The following HMGCLL1 variants were observed in gnomAD, a reference collection of about 807,000 sequenced individuals.
The protein encoded by HMGCLL1 is 3-hydroxymethyl-3-methylglutaryl-CoA lyase, cytoplasmic.
HMGCLL1 carries 36 observed loss-of-function variants against 39.1 expected under a neutral mutation model. The ratio of observed to expected loss-of-function variants is 0.92; its 90% CI spans 0.71 to 1.22. The LOEUF (loss-of-function observed/expected upper bound fraction) is 1.22. Among genes scored for constraint, HMGCLL1 ranks in the 50% most tolerant of loss-of-function variants. The pLI is 0.00. For synonymous variants in HMGCLL1, 149 were observed against 144.0 expected, an observed-to-expected ratio of 1.03 and a Z score of -0.25; for missense variants, 451 against 416.5, an observed-to-expected ratio of 1.08 and a Z score of -0.72.
At chr6:55,631,383 C>T in the HMGCLL1 span, among the ~76,000 whole-genome samples, 1 of 152,062 alleles carries the variant, frequency 6.6e-6, no homozygotes, top group South Asian at 2.1e-4. Flanking sequence ...TCTGTTCAGC[C>T]ATCTTCTATA....
intron 1 of HMGCLL1, among the ~76,000 whole-genome samples, chr6:55,556,779 T>C (rs1046181942): frequency 6.6e-6 from 1 of 152,088 alleles, no homozygotes; most frequent in Non-Finnish European, 1.5e-5. Flanking sequence ...ATCTTTTGGG[T>C]ACGAGGGCCA....
chr6:55,587,079 C>T, the HMGCLL1 span, among the ~76,000 whole-genome samples: 3 of 151,918 alleles, frequency 2.0e-5, no homozygotes, highest in Non-Finnish European at 2.9e-5. Context: ...CTTTAAGGAT[C>T]GCCATTCTAA....
chr6:55,477,407 AAATATATATTATCTT>A lies in HMGCLL1; in HGVS notation c.795+17997_795+18011del, dbSNP rs1159360506. 7.6e-5 allele frequency among the ~76,000 whole-genome samples: 2 copies of A among 26,160 alleles called. 1 individual carries two copies. The highest frequency in any genetic ancestry group is 1.1e-4 in the Non-Finnish European group (2 of 18,392). The allele number at this position is 26,160 out of a possible 152,430, so 17.2% of individuals were successfully genotyped here. On this transcript the variant is annotated intron_variant, in intron 7 of 8. Transcript: ENST00000274901. ...TATCTAAATATAATATATATTATCT[AAATATATATTATCTT>A]AATATATATTATATATTATATATAT...
At chr6:55,543,438 TATATG>T (rs558653506) in intron 1 of HMGCLL1, among the ~76,000 whole-genome samples, 24 of 9,092 alleles carry the variant, frequency 2.6e-3, no homozygotes, top group African/African-American at 3.0e-3. Context: ...TCATATATCA[TATATG>T]ATATATATGA....
chr6:55,588,831 A>G, the HMGCLL1 span, among the ~76,000 whole-genome samples: 1 of 152,196 alleles, frequency 6.6e-6, no homozygotes, highest in African/African-American at 2.4e-5. Context: ...TCTTCAACAC[A>G]TACACCCTCC....
chr6:55,653,176 T>G, the HMGCLL1 span, among the ~76,000 whole-genome samples: 1 of 152,034 alleles, frequency 6.6e-6, no homozygotes, highest in Non-Finnish European at 1.5e-5. Context: ...CAAAAGTTCA[T>G]AGCATTCAGC....
At chr6:55,658,253 C>T in the HMGCLL1 span, among the ~76,000 whole-genome samples, 1 of 151,862 alleles carries the variant, frequency 6.6e-6, no homozygotes, top group African/African-American at 2.4e-5. Flanking sequence ...ACCTTGACAG[C>T]CCATTCTCAC....
At chr6:55,549,629 A>G (rs148939735) in intron 1 of HMGCLL1, among the ~76,000 whole-genome samples, 20 of 152,070 alleles carry the variant, frequency 1.3e-4, no homozygotes, top group East Asian at 9.6e-4. Flanking sequence ...TTCAAGTTCA[A>G]ACTCCTAAGA....
the HMGCLL1 span, among the ~76,000 whole-genome samples, chr6:55,604,761 A>G: frequency 6.6e-6 from 1 of 152,186 alleles, no homozygotes; most frequent in African/African-American, 2.4e-5. Flanking sequence ...GATACCAGCT[A>G]TGAAGATTTT....
At chr6:55,530,620 A>C (rs979475920) in intron 3 of HMGCLL1, among the ~76,000 whole-genome samples, 1 of 152,154 alleles carries the variant, frequency 6.6e-6, no homozygotes, top group East Asian at 1.9e-4. Flanking sequence ...TATCAAATGT[A>C]AAACAAGTGA....
chr6:55,495,910 T>C (rs540918750), intron 6 of HMGCLL1, among the ~76,000 whole-genome samples: 2 of 152,274 alleles, frequency 1.3e-5, no homozygotes, highest in East Asian at 1.9e-4. Flanking sequence ...ATGTCAATTA[T>C]GGGAGGCGTA....
chr6:55,522,546 G>C (rs1368743010), intron 3 of HMGCLL1, among the ~76,000 whole-genome samples: 2 of 151,932 alleles, frequency 1.3e-5, no homozygotes, highest in Non-Finnish European at 2.9e-5. Context: ...TTTTTGACAA[G>C]AGTTGACTCC....
At chr6:55,498,086 C>T (rs953374888) in intron 6 of HMGCLL1, among the ~76,000 whole-genome samples, 10 of 152,072 alleles carry the variant, frequency 6.6e-5, no homozygotes, top group African/African-American at 2.2e-4. Flanking sequence ...GCACCTTAGG[C>T]GTTCGGGTAC....
chr6:55,606,556 T>C, the HMGCLL1 span, among the ~76,000 whole-genome samples: 5 of 152,038 alleles, frequency 3.3e-5, no homozygotes, highest in African/African-American at 4.8e-5. Context: ...TATAAACTAA[T>C]AGTTTTTTTA....
chr6:55,636,672 T>C, the HMGCLL1 span, among the ~76,000 whole-genome samples: 1 of 152,284 alleles, frequency 6.6e-6, no homozygotes, highest in Non-Finnish European at 1.5e-5. Context: ...AGGAGGCATC[T>C]TGCATTCACA....
the HMGCLL1 span, among the ~76,000 whole-genome samples, chr6:55,627,935 A>ATCC: frequency 3.5e-5 from 1 of 28,690 alleles, no homozygotes; most frequent in Non-Finnish European, 5.8e-5. Flanking sequence ...TATATACTAT[A>ATCC]TATATAGTAT....
chr6:55,576,835 T>G (rs1771782088), intron 1 of HMGCLL1, among the ~76,000 whole-genome samples: 1 of 152,146 alleles, frequency 6.6e-6, no homozygotes, highest in African/African-American at 2.4e-5. Flanking sequence ...GAAAGTCCAG[T>G]GTTGGAAGAA....
the HMGCLL1 span, among the ~76,000 whole-genome samples, chr6:55,671,492 T>C: frequency 6.6e-6 from 1 of 151,800 alleles, no homozygotes; most frequent in African/African-American, 2.4e-5. Context: ...CTAACAGAAC[T>C]GAAAGGACAA....
intron 1 of HMGCLL1, chr6:55,563,960 A>G (rs1771091161): frequency 6.2e-6 from 6 of 968,868 alleles, no homozygotes; most frequent in Non-Finnish European, 8.6e-6. Flanking sequence ...GGCATTGAAA[A>G]CTTCTGGCTA....
Sources: allele counts gnomAD v4.1 joint callset (sites outside exome capture counted in the v4.1 genomes callset), GRCh38; gene constraint gnomAD v4.1.1; transcripts MANE v1.5; gene names NCBI Gene and HGNC (gene_info 2026-07-23, HGNC 2026-07-21).